KIAA0319L: variants seen among roughly 807,000 people sequenced by gnomAD.
KIAA0319L encodes KIAA0319 like, also known as dyslexia-associated protein KIAA0319-like protein.
In KIAA0319L, 55 loss-of-function variants were observed where a neutral mutation model predicts 120.1. The ratio of observed to expected loss-of-function variants is 0.46; its 90% confidence interval spans 0.37 to 0.57. The LOEUF is 0.57. Among genes scored for constraint, KIAA0319L ranks in the 20% least tolerant of loss-of-function variants. The pLI is 0.00. For missense variants in KIAA0319L, 1,049 were observed against 1,255.3 expected, an observed-to-expected ratio of 0.84 and a Z score of 2.48; for synonymous variants, 398 against 471.9, an observed-to-expected ratio of 0.84 and a Z score of 2.03.
chr1:35,512,587 G>C (rs1645496675), intron 2 of KIAA0319L, among the ~76,000 whole-genome samples: 1 of 151,662 alleles, frequency 6.6e-6, no homozygotes, highest in Non-Finnish European at 1.5e-5. Flanking sequence ...TGAAAGAAGG[G>C]ACCAGGTGCA....
chr1:35,479,532 C>T (rs550292162), intron 3 of KIAA0319L, among the ~76,000 whole-genome samples: 9 of 152,216 alleles, frequency 5.9e-5, no homozygotes, highest in Non-Finnish European at 4.4e-5. Flanking sequence ...TTATTGAGCA[C>T]CTATTACAAA....
intron 3 of KIAA0319L, among the ~76,000 whole-genome samples, chr1:35,501,370 C>T (rs932758167): frequency 1.3e-5 from 2 of 152,188 alleles, no homozygotes; most frequent in African/African-American, 4.8e-5. Flanking sequence ...TTCTTTGCTG[C>T]TGCTTCCCAA....
At position 35,434,912 on chromosome 1, in the gene KIAA0319L, C is replaced by A. The variant is rs374202036; in HGVS notation, c.3132G>T (p.Pro1044=). ...CAGGTGGCTACAGGATCTCCTCCCGCGGGCTCCTGGCCTTCAGAGGGGTCT... is the reference window on the plus strand; with the variant it reads ...CAGGTGGCTACAGGATCTCCTCCCGAGGGCTCCTGGCCTTCAGAGGGGTCT... ...NGQTPLKARS[P]REEIL is the part of the protein sequence containing the mutation. Residue 1044 remains proline, a synonymous_variant, in exon 21 of 21, where the codon CCG becomes CCT. Transcript: ENST00000325722. 1 of 1,612,670 alleles carries A rather than the reference C, an allele frequency of 6.2e-7. No homozygotes were observed. The highest frequency in any genetic ancestry group is 8.5e-7 in the Non-Finnish European group (1 of 1,179,980).
intron 2 of KIAA0319L, among the ~76,000 whole-genome samples, chr1:35,539,315 G>A (rs1387532188): frequency 1.3e-5 from 2 of 152,200 alleles, no homozygotes; most frequent in Non-Finnish European, 2.9e-5. Flanking sequence ...GAAAACTTTT[G>A]TTTCTGCCTT....
chr1:35,522,149 A>AAT (rs1038915583), intron 2 of KIAA0319L, among the ~76,000 whole-genome samples: 14 of 151,994 alleles, frequency 9.2e-5, no homozygotes, highest in Middle Eastern at 6.8e-3. Context: ...GGGGGGAGAA[A>AAT]ATATATATAT....
In KIAA0319L at chr1:35,504,209, T is replaced by A. The variant is rs1054542235; in HGVS notation, c.666+2403A>T. ...CCCCTTATGATTTTCTTCCCTTTTTTTTTTTGAGACAGAGTCTTACTCTGT... is the reference window on the plus strand; with the variant it reads ...CCCCTTATGATTTTCTTCCCTTTTTATTTTTGAGACAGAGTCTTACTCTGT... On this transcript the variant is annotated intron_variant, in intron 3 of 20. Coordinates refer to ENST00000325722, the MANE Select transcript of KIAA0319L (RefSeq NM_024874.5). Among the ~76,000 whole-genome samples, 18 of 150,696 alleles carry A rather than the reference T, an allele frequency of 1.2e-4. 2 individuals carry two copies. Among genetic ancestry groups the A allele is most frequent in the African/African-American group, 3.9e-4 (16 of 41,060 alleles).
At chr1:35,452,456 C>T (rs1007246386) in intron 12 of KIAA0319L, among the ~76,000 whole-genome samples, 9 of 152,182 alleles carry the variant, frequency 5.9e-5, no homozygotes, top group Non-Finnish European at 1.2e-4. Flanking sequence ...GATCAAAATG[C>T]CCCAGAGCTT....
At chr1:35,492,969 GAC>G (rs1644654131) in intron 3 of KIAA0319L, among the ~76,000 whole-genome samples, 1 of 152,156 alleles carries the variant, frequency 6.6e-6, no homozygotes, top group Non-Finnish European at 1.5e-5. Context: ...CACCAGCCTG[GAC>G]AACAAAGCAA....
intron 4 of KIAA0319L, among the ~76,000 whole-genome samples, chr1:35,475,287 CT>C (rs1320395541): frequency 2.0e-5 from 3 of 152,248 alleles, no homozygotes; most frequent in East Asian, 3.9e-4. Context: ...TCCCTAAGCC[CT>C]CCCTATATAC....
chr1:35,475,426 T>G (rs1203926374), intron 4 of KIAA0319L, among the ~76,000 whole-genome samples: 1 of 152,154 alleles, frequency 6.6e-6, no homozygotes, highest in Non-Finnish European at 1.5e-5. Context: ...CTTACTTTCT[T>G]TCCATTCCAA....
chr1:35,495,595 G>T (rs1398418733), intron 3 of KIAA0319L, among the ~76,000 whole-genome samples: 1 of 152,136 alleles, frequency 6.6e-6, no homozygotes, highest in Non-Finnish European at 1.5e-5. Flanking sequence ...CTTGTATGCA[G>T]AAAATATATA....
intron 2 of KIAA0319L, chr1:35,510,376 T>G (rs1645381980): frequency 6.6e-6 from 1 of 150,726 alleles, no homozygotes; most frequent in Admixed American, 6.6e-5. Flanking sequence ...AAAACAGCCC[T>G]TTCTTTTTTT....
chr1:35,547,018 A>G (rs1331053087), intron 2 of KIAA0319L, among the ~76,000 whole-genome samples: 3 of 147,128 alleles, frequency 2.0e-5, no homozygotes, highest in East Asian at 3.9e-4. Context: ...ACATATATAA[A>G]TAATGGAATT....
At chr1:35,533,938 C>T (rs1319805489) in intron 2 of KIAA0319L, among the ~76,000 whole-genome samples, 1 of 152,218 alleles carries the variant, frequency 6.6e-6, no homozygotes, top group Non-Finnish European at 1.5e-5. Context: ...CAGTTCTACC[C>T]TGCAGGGGTT....
intron 2 of KIAA0319L, among the ~76,000 whole-genome samples, chr1:35,508,408 G>A (rs1645289995): frequency 6.6e-6 from 1 of 152,144 alleles, no homozygotes; most frequent in African/African-American, 2.4e-5. Flanking sequence ...ATCAGCCAAA[G>A]CCAATCTGAC....
At chr1:35,515,621 A>G (rs936463213) in intron 2 of KIAA0319L, among the ~76,000 whole-genome samples, 2 of 152,178 alleles carry the variant, frequency 1.3e-5, no homozygotes, top group East Asian at 3.8e-4. Context: ...AAAGATCTCA[A>G]ATTAACAACC....
intron 2 of KIAA0319L, among the ~76,000 whole-genome samples, chr1:35,529,214 C>A (rs187765364): frequency 6.6e-6 from 1 of 152,140 alleles, no homozygotes; most frequent in Non-Finnish European, 1.5e-5. Context: ...CAGTCCATAT[C>A]CTTTAAGTGG....
At chr1:35,546,133 A>C (rs1232141377) in intron 2 of KIAA0319L, among the ~76,000 whole-genome samples, 1 of 152,186 alleles carries the variant, frequency 6.6e-6, no homozygotes, top group Non-Finnish European at 1.5e-5. Flanking sequence ...CACACAGGTT[A>C]CAAGTGAGGA....
chr1:35,491,373 T>A (rs1164387556), intron 3 of KIAA0319L, among the ~76,000 whole-genome samples: 1 of 152,096 alleles, frequency 6.6e-6, no homozygotes, highest in Admixed American at 6.6e-5. Flanking sequence ...CCCAAGCACA[T>A]GAAACATAAA....
Sources: allele counts gnomAD v4.1 joint callset (sites outside exome capture counted in the v4.1 genomes callset), GRCh38; gene constraint gnomAD v4.1.1; transcripts MANE v1.5; gene names NCBI Gene and HGNC (gene_info 2026-07-23, HGNC 2026-07-21).